The following TCN2 variants were observed in gnomAD, a reference collection of about 807,000 sequenced individuals.
TCN2 encodes the protein transcobalamin 2.
In TCN2, 34 loss-of-function variants were observed where a neutral mutation model predicts 48.6. That is an observed-to-expected ratio of 0.70 (90% confidence interval 0.53 to 0.93). TCN2 has a LOEUF of 0.93. TCN2 is among the 40% of genes least tolerant of loss of function. The probability of loss-of-function intolerance (pLI) is 0.00; values close to 1 mark genes in which losing one functional copy is unlikely to be tolerated. For missense variants in TCN2, 652 were observed against 526.1 expected (o/e 1.24, Z -2.34); for synonymous variants, 283 against 212.5 (o/e 1.33, Z -2.89).
In TCN2 at chr22:30,626,845, A is replaced by AG; in HGVS notation, c.*326dup. On this transcript the variant is annotated 3_prime_UTR_variant, in exon 9 of 9. Transcript: ENST00000215838. ...CTCCTTGGCAAAAAACGGAGTCCGC[A>AG]GGCCGCAGGTGTTGTGAAGACCACT... is the stretch of plus-strand genomic sequence containing the variant. The AG allele has an allele frequency of 2.2e-6, 1 of 458,484 alleles. No homozygotes were observed. Among genetic ancestry groups the AG allele is most frequent in the Non-Finnish European group, 4.1e-6 (1 of 246,616 alleles). The allele number at this position is 458,484 out of a possible 1,614,324, so 28.4% of individuals were successfully genotyped here. A position where few individuals can be genotyped will look rare whatever the true frequency, so the allele number is the denominator to read the frequency against.
intron 8 of TCN2, among the ~76,000 whole-genome samples, chr22:30,625,254 C>G (rs1159207305): frequency 6.6e-6 from 1 of 152,054 alleles, no homozygotes. Flanking sequence ...TATTTCTTAA[C>G]AGTTCTGGAG....
At chr22:30,611,222 G>C in intron 2 of TCN2, 159 bp downstream of exon 2, 1 of 889,100 alleles carries the variant, frequency 1.1e-6, no homozygotes, top group Non-Finnish European at 1.8e-6. Flanking sequence ...GAATGAAGGG[G>C]TTGGTTGGAT....
intron 4 of TCN2, among the ~76,000 whole-genome samples, chr22:30,614,807 G>A (rs932211361): frequency 1.3e-5 from 2 of 152,202 alleles, no homozygotes; most frequent in Admixed American, 1.3e-4. Flanking sequence ...TACTCGGGAG[G>A]CTGAGGCAGG....
Position 30,614,351 on chromosome 22 carries a change from C to T in TCN2, c.430C>T (p.His144Tyr), listed in dbSNP as rs747296848. The T allele has an allele frequency of 2.5e-5, 41 of 1,614,142 alleles. No homozygotes were observed. The highest frequency in any genetic ancestry group is 3.0e-5 in the Non-Finnish European group (35 of 1,179,996). The change falls in exon 4 of 9, where the codon CAT (histidine) becomes TAT (tyrosine). Residue 144 changes from histidine (H) to tyrosine (Y), a missense_variant and splice_region_variant. Physicochemically the swap from His to Tyr is moderately conservative, Grantham distance 83 (BLOSUM62 2). Coordinates refer to ENST00000215838, the MANE Select transcript of TCN2 (RefSeq NM_000355.4). Reference sequence around the variant, plus strand: ...CCCTCTGTTTTTTTCCCTCTCAGGGCATGATCACAAGGGCCACCCCCACAC... The same window carrying T: ...CCCTCTGTTTTTTTCCCTCTCAGGGTATGATCACAAGGGCCACCCCCACAC... ...FLEDEKRAIGHDHKGHPHTSY... is the reference protein window; with the variant it reads ...FLEDEKRAIGYDHKGHPHTSY...
intron 8 of TCN2, among the ~76,000 whole-genome samples, chr22:30,624,646 G>A (rs1309009678): frequency 6.6e-6 from 1 of 152,142 alleles, no homozygotes; most frequent in African/African-American, 2.4e-5. Flanking sequence ...GAGGGTGAGA[G>A]CTAGGTGGAC....
intron 8 of TCN2, among the ~76,000 whole-genome samples, chr22:30,624,213 T>G (rs954993791): frequency 1.3e-5 from 2 of 151,652 alleles, no homozygotes; most frequent in Non-Finnish European, 2.9e-5. Flanking sequence ...TAGCTGGGAT[T>G]ACAGGTGTGT....
chr22:30,615,001 G>A (rs2087591853), intron 4 of TCN2, among the ~76,000 whole-genome samples: 1 of 152,136 alleles, frequency 6.6e-6, no homozygotes, highest in Admixed American at 6.6e-5. Context: ...AGTCCTCTTG[G>A]GCCTCCCTCC....
intron 8 of TCN2, 86 bp from the exon 9 acceptor site, chr22:30,626,374 C>T (rs887402134): frequency 1.3e-5 from 18 of 1,417,406 alleles, no homozygotes; most frequent in Admixed American, 1.8e-5. Context: ...CAGACTCTAG[C>T]CTCAGGGTGG....
At position 30,623,448 on chromosome 22, in the gene TCN2, G is replaced by A. The variant is rs2087728754; in HGVS notation, c.1222+365G>A. Among the ~76,000 whole-genome samples, 3 of 152,022 alleles carry A rather than the reference G, an allele frequency of 2.0e-5. No homozygotes were observed. In the South Asian group the frequency reaches 6.2e-4, roughly 32 times the overall value. ...GCTCGCTGCAACCTCCGCCTCCTGG[G>A]TTCATGTGATTCTTCCACCTCAGCC... is the stretch of plus-strand genomic sequence containing the variant. On this transcript the variant is annotated intron_variant, in intron 8 of 8. Coordinates refer to ENST00000215838, the MANE Select transcript of TCN2 (RefSeq NM_000355.4).
chr22:30,615,457 C>A lies in TCN2; in HGVS notation c.737C>A (p.Thr246Asn). 1 of 1,614,148 alleles carries A rather than the reference C, an allele frequency of 6.2e-7. No individual in the cohort carries two copies. The highest frequency in any genetic ancestry group is 8.5e-7 in the Non-Finnish European group (1 of 1,180,040). ...GGCCACTTTGGGAATGTCTACAGCA[C>A]CCCATTGGCATTACAGGTGGGAAAG... ...PEGHFGNVYS[T>N]PLALQFLMTS... The change falls in exon 5 of 9, where the codon ACC becomes AAC. Residue 246 changes from threonine to asparagine, a missense_variant. Thr to Asn is a moderately conservative substitution (Grantham distance 65, BLOSUM62 0). Transcript: ENST00000215838.
At chr22:30,612,572 T>TA (rs1164330779) in intron 2 of TCN2, among the ~76,000 whole-genome samples, 2 of 151,442 alleles carry the variant, frequency 1.3e-5, no homozygotes, top group Non-Finnish European at 1.5e-5. Flanking sequence ...ATAAATAAAA[T>TA]AAAAAAATAA....
intron 8 of TCN2, among the ~76,000 whole-genome samples, chr22:30,626,143 C>G (rs2087805601): frequency 6.6e-6 from 1 of 152,150 alleles, no homozygotes; most frequent in Non-Finnish European, 1.5e-5. Flanking sequence ...TCCTGGGAGA[C>G]TTCTGCGTGG....
chr22:30,617,412 G>C lies in TCN2; in HGVS notation c.1023G>C (p.Pro341=). The stretch of plus-strand genomic sequence containing the variant: ...CGCTGCAGGTGCTTAGTCTCTTGCC[G>C]CCGTACAGACAGTCCATCTCTGTTC... The part of the protein sequence containing the change: ...SVTLQVLSLL[P]PYRQSISVLA... Residue 341 remains proline (P), a synonymous_variant, in exon 7 of 9, where the codon CCG becomes CCC. Transcript: ENST00000215838. The C allele has an allele frequency of 6.2e-7, 1 of 1,614,028 alleles. No individual in the cohort carries two copies.
At chr22:30,612,655 C>G (rs913611525) in intron 2 of TCN2, among the ~76,000 whole-genome samples, 1 of 152,124 alleles carries the variant, frequency 6.6e-6, no homozygotes, top group Non-Finnish European at 1.5e-5. Flanking sequence ...ACACAGGAGC[C>G]CTTGGAGTTT....
intron 1 of TCN2, 61 bp downstream of exon 1, chr22:30,607,456 G>A (rs1251120831): frequency 2.5e-6 from 4 of 1,596,536 alleles, no homozygotes; most frequent in Non-Finnish European, 3.4e-6. Context: ...GGGTGGCTAG[G>A]GCATAGGATG....
At chr22:30,613,570 C>A (rs187224311) in intron 3 of TCN2, among the ~76,000 whole-genome samples, 5 of 152,276 alleles carry the variant, frequency 3.3e-5, no homozygotes, top group African/African-American at 4.8e-5. Flanking sequence ...TGAGCCACTG[C>A]GTTAGGCCCA....
In TCN2 at chr22:30,622,959, C is replaced by T. The variant is rs751600180; in HGVS notation, c.1107-9C>T. On this transcript the variant is annotated splice_polypyrimidine_tract_variant and intron_variant, in intron 7 of 8. Coordinates refer to ENST00000215838, the MANE Select transcript of TCN2 (RefSeq NM_000355.4). ...CTCTTCTCTCCCCATTTGCCTTTCC[C>T]TTCTGTAGATATGAAACACAGGCCT... 12 of 1,613,992 alleles carry T rather than the reference C, an allele frequency of 7.4e-6. No homozygotes were observed. In the Admixed American group the frequency reaches 8.3e-5, roughly 11 times the overall value.
chr22:30,617,891 G>A (rs371523093), intron 7 of TCN2, among the ~76,000 whole-genome samples: 1 of 152,188 alleles, frequency 6.6e-6, no homozygotes, highest in Non-Finnish European at 1.5e-5. Flanking sequence ...CATAGCAAGC[G>A]CTCAACACAG....
rs1387305422 is a variant in TCN2 at position 30,623,777 on chromosome 22, T to TATGTATAC, written c.1222+696_1222+697insGTATACAT. Reference sequence around the variant, plus strand: ...ATATATGTATATATATATACACACATATATATGTATACATATATACACACA... The same window carrying TATGTATAC: ...ATATATGTATATATATATACACACATATGTATACATATATGTATACATATATACACACA... On this transcript the variant is annotated intron_variant, in intron 8 of 8. Transcript: ENST00000215838. 3.1e-4 allele frequency among the ~76,000 whole-genome samples: 4 copies of TATGTATAC among 13,114 alleles called. 2 individuals carry two copies. In the African/African-American group the frequency reaches 4.0e-3, roughly 13 times the overall value. 8.6% of individuals were successfully genotyped at this position (13,114 alleles called of 152,430 possible).
Sources: allele counts gnomAD v4.1 joint callset (sites outside exome capture counted in the v4.1 genomes callset), GRCh38; gene constraint gnomAD v4.1.1; transcripts MANE v1.5; gene names NCBI Gene and HGNC (gene_info 2026-07-23, HGNC 2026-07-21).